Variants in CENPX observed in about 807,000 individuals in gnomAD.
CENPX encodes the protein FANCM associated histone fold protein 2.
In CENPX, 13 loss-of-function variants were observed where a neutral mutation model predicts 13.2. The observed-to-expected ratio is 0.98, with a 90% CI of 0.64 to 1.56. CENPX has a LOEUF of 1.56. CENPX is among the 40% of genes most tolerant of loss of function. CENPX has a pLI of 0.00. For missense variants in CENPX, 138 were observed against 107.5 expected (o/e 1.28, Z -1.26); for synonymous variants, 66 against 47.2 (o/e 1.40, Z -1.63).
At chr17:82,019,991 G>A in intron 1 of CENPX, 82 bp from the exon 2 acceptor site, 2 of 1,338,896 alleles carry the variant, frequency 1.5e-6, no homozygotes, top group South Asian at 2.9e-5. Context: ...GGTGACAGTG[G>A]CTGTGACTTC....
rs748041338 is a variant in CENPX, at chr17:82,019,142, A to T, written c.*63T>A. The T allele has an allele frequency of 6.7e-7, 1 of 1,502,636 alleles. No individual in the cohort carries two copies. The highest frequency in any genetic ancestry group is 2.3e-5 in the East Asian group (1 of 43,412). 93.1% of individuals were successfully genotyped at this position (1,502,636 alleles called of 1,614,324 possible). ...CCTCTTATCAGAGGCCGCTGGAAACACAAGGCCTGCTTCTGTGGACCAGGG... is the reference window on the plus strand; with the variant it reads ...CCTCTTATCAGAGGCCGCTGGAAACTCAAGGCCTGCTTCTGTGGACCAGGG... On this transcript the variant is annotated 3_prime_UTR_variant, in exon 5 of 5. Coordinates refer to ENST00000392359, the MANE Select transcript of CENPX (RefSeq NM_001271006.2).
At chr17:82,022,715 C>A (rs1408618178) in intron 1 of CENPX, 111 bp downstream of exon 1, 10 of 1,344,620 alleles carry the variant, frequency 7.4e-6, no homozygotes, top group Non-Finnish European at 1.0e-5. Flanking sequence ...CGGGCCCAAC[C>A]TCAAAGGCAC....
Position 82,019,367 on chromosome 17 carries a change from C to A in CENPX, c.157G>T (p.Gly53Cys). ...KVFVVEAAVRGVRQAQAEDAL... is the reference protein window; with the variant it reads ...KVFVVEAAVRCVRQAQAEDAL... Reference sequence around the variant, plus strand: ...TCTTCTGCCTGGGCCTGCCGCACGCCGCGGACTGCTGCTTCTGCGGTGAGA... The same window carrying A: ...TCTTCTGCCTGGGCCTGCCGCACGCAGCGGACTGCTGCTTCTGCGGTGAGA... Residue 53 changes from glycine (G) to cysteine (C), a missense_variant, in exon 4 of 5, where the codon GGC becomes TGC. Transcript: ENST00000392359. The A allele has an allele frequency of 6.4e-7, 1 of 1,557,018 alleles. No homozygotes were observed.
intron 3 of CENPX, 71 bp from the exon 4 acceptor site, chr17:82,019,452 C>A: frequency 3.3e-6 from 5 of 1,514,898 alleles, no homozygotes; most frequent in Non-Finnish European, 4.4e-6. Context: ...AGGGCCTCAG[C>A]CTGGGCCGGT....
In CENPX at chr17:82,019,537, T is replaced by G. The variant is rs779165192; in HGVS notation, c.142+104A>C. 5.2e-6 allele frequency: 8 copies of G among 1,542,518 alleles called. No individual in the cohort carries two copies. In the South Asian group the frequency reaches 9.6e-5, roughly 18 times the overall value. On this transcript the variant is annotated intron_variant, in intron 3 of 4. Coordinates refer to ENST00000392359, the MANE Select transcript of CENPX (RefSeq NM_001271006.2). ...GACAAACAGGCTCAGGAGACCCAAG[T>G]TTAGGCCCTTGTGGGAAACGGGAAA...
At chr17:82,019,765 G>A (rs943342140) in intron 2 of CENPX, 71 bp from the exon 3 acceptor site, 11 of 1,550,272 alleles carry the variant, frequency 7.1e-6, no homozygotes, top group Middle Eastern at 1.7e-4. Context: ...ACATACCCCC[G>A]CCCTCCCGAG....
rs778684331 is a variant in CENPX at position 82,019,197 on chromosome 17, T to C, written c.*8A>G. 5 of 1,569,760 alleles carry C rather than the reference T, an allele frequency of 3.2e-6. No homozygotes were observed. In the African/African-American group the frequency reaches 6.8e-5, roughly 21 times the overall value. Reference sequence around the variant, plus strand: ...CTCTGGGGGTGGCCTCAGCCACGGCTGAGATCCCTAGAAGTCCAGGAGCTG... The same window carrying C: ...CTCTGGGGGTGGCCTCAGCCACGGCCGAGATCCCTAGAAGTCCAGGAGCTG... On this transcript the variant is annotated 3_prime_UTR_variant, in exon 5 of 5. Coordinates refer to ENST00000392359, the MANE Select transcript of CENPX (RefSeq NM_001271006.2).
chr17:82,022,203 C>T (rs1287491672), intron 1 of CENPX, among the ~76,000 whole-genome samples: 1 of 152,246 alleles, frequency 6.6e-6, no homozygotes, highest in East Asian at 1.9e-4. Context: ...CGCCCTCCAG[C>T]CTGGGCGGAT....
chr17:82,019,796 C>T, intron 2 of CENPX, 62 bp downstream of exon 2: 1 of 1,575,818 alleles, frequency 6.3e-7, no homozygotes, highest in Non-Finnish European at 8.6e-7. Flanking sequence ...TGCAGAGTTG[C>T]AGGAAAGGGT....
chr17:82,022,348 G>A lies in CENPX; in HGVS notation c.36+478C>T, dbSNP rs1386955889. ...ACGTGGAGCACCGAAGAAACCACGC[G>A]TTCCTAGCCCAGTGCTGGCGCCCAC... On this transcript the variant is annotated intron_variant, in intron 1 of 4. Transcript: ENST00000392359. Among the ~76,000 whole-genome samples, 3 of 152,244 alleles carry A rather than the reference G, an allele frequency of 2.0e-5. No homozygotes were observed. The South Asian group carries it at 6.2e-4, about 31-fold the overall frequency.
chr17:82,019,671 T>G lies in CENPX; in HGVS notation c.112A>C (p.Met38Leu), dbSNP rs2043243384. ...TKVSGDALQL[M>L]VELLKVFVVE... ...ACGAAGACCTTCAGCAACTCCACCA[T>G]GAGCTGCAGCGCGTCCCCGCTCACT... The change falls in exon 3 of 5, where the codon ATG becomes CTG. Residue 38 changes from methionine (M) to leucine (L), a missense_variant. Met to Leu is a conservative substitution (Grantham distance 15). Transcript: ENST00000392359. 2 of 1,550,154 alleles carry G rather than the reference T, an allele frequency of 1.3e-6. No individual in the cohort carries two copies. Among genetic ancestry groups the G allele is most frequent in the Non-Finnish European group, 1.7e-6 (2 of 1,146,948 alleles).
chr17:82,020,912 C>T (rs2043269798), intron 1 of CENPX, among the ~76,000 whole-genome samples: 1 of 152,150 alleles, frequency 6.6e-6, no homozygotes, highest in African/African-American at 2.4e-5. Flanking sequence ...GAGGGCAGCC[C>T]TGGGTGGCTG....
Position 82,019,012 on chromosome 17 carries a change from CACTCCAAGGCCCGCAG to C in CENPX, c.*177_*192del. 1 of 744,244 alleles carries C rather than the reference CACTCCAAGGCCCGCAG, an allele frequency of 1.3e-6. No homozygotes were observed. Among genetic ancestry groups the C allele is most frequent in the Non-Finnish European group, 2.0e-6 (1 of 503,642 alleles). The allele number at this position is 744,244 out of a possible 1,614,324, so 46.1% of individuals were successfully genotyped here. ...TTCCCACACCAGTGTCCCCACTGGACACTCCAAGGCCCGCAGTGCACTGCAGTCCTGCCCCTTCTGC... is the reference window on the plus strand; with the variant it reads ...TTCCCACACCAGTGTCCCCACTGGACTGCACTGCAGTCCTGCCCCTTCTGC... On this transcript the variant is annotated 3_prime_UTR_variant, in exon 5 of 5. Coordinates refer to ENST00000392359, the MANE Select transcript of CENPX (RefSeq NM_001271006.2).
intron 2 of CENPX, 50 bp from the exon 3 acceptor site, chr17:82,019,744 G>A (rs531436681): frequency 1.3e-6 from 2 of 1,550,240 alleles, no homozygotes; most frequent in African/African-American, 2.7e-5. Context: ...CGCTCTGGCT[G>A]GGTGCTCCAG....
intron 1 of CENPX, among the ~76,000 whole-genome samples, chr17:82,022,449 C>G (rs1242616464): frequency 6.6e-6 from 1 of 152,218 alleles, no homozygotes; most frequent in East Asian, 1.9e-4. Flanking sequence ...GCTGGACGAT[C>G]TCACTGTCCC....
chr17:82,022,272 G>A (rs1488179751), intron 1 of CENPX, among the ~76,000 whole-genome samples: 1 of 152,226 alleles, frequency 6.6e-6, no homozygotes, highest in Non-Finnish European at 1.5e-5. Flanking sequence ...ACGCCCCCGT[G>A]CCTCAGTTTC....
intron 1 of CENPX, among the ~76,000 whole-genome samples, chr17:82,020,974 C>T (rs966387044): frequency 6.6e-6 from 1 of 152,160 alleles, no homozygotes; most frequent in South Asian, 2.1e-4. Context: ...CGGCCCACAG[C>T]CGCCGGGAAA....
chr17:82,021,957 C>T (rs1242063519), intron 1 of CENPX, among the ~76,000 whole-genome samples: 1 of 152,204 alleles, frequency 6.6e-6, no homozygotes, highest in Non-Finnish European at 1.5e-5. Context: ...CAGAATTCTC[C>T]CTGCTTCTAC....
rs1397395400 is a variant in CENPX, at chr17:82,019,543, C to T, written c.142+98G>A. ...CAGGCTCAGGAGACCCAAGTTTAGG[C>T]CCTTGTGGGAAACGGGAAAACACGT... is the stretch of plus-strand genomic sequence containing the variant. On this transcript the variant is annotated intron_variant, in intron 3 of 4. Transcript: ENST00000392359. 4.5e-6 allele frequency: 7 copies of T among 1,544,926 alleles called. No individual in the cohort carries two copies. The South Asian group carries it at 7.2e-5, about 16-fold the overall frequency.
Sources: allele counts gnomAD v4.1 joint callset (sites outside exome capture counted in the v4.1 genomes callset), GRCh38; gene constraint gnomAD v4.1.1; transcripts MANE v1.5; gene names NCBI Gene and HGNC (gene_info 2026-07-23, HGNC 2026-07-21).